The following ZNF71 variants were observed in gnomAD, a reference collection of about 807,000 sequenced individuals.
ZNF71 encodes the protein zinc finger protein 71, also known as endothelial zinc finger protein induced by tumor necrosis factor alpha.
In ZNF71, 3 loss-of-function variants were observed where a neutral mutation model predicts 6.7. The observed-to-expected ratio is 0.45, with a 90% CI of 0.20 to 1.16. The LOEUF is 1.16. ZNF71 is among the 50% of genes most tolerant of loss of function. The probability of loss-of-function intolerance (pLI) is 0.25; values close to 1 mark genes in which losing one functional copy is unlikely to be tolerated. For missense variants in ZNF71, 688 were observed against 728.6 expected (o/e 0.94, Z 0.64); for synonymous variants, 343 against 311.1 (o/e 1.10, Z -1.08).
Position 56,622,785 on chromosome 19 carries a change from G to A in ZNF71, c.*28G>A, listed in dbSNP as rs369701185. On this transcript the variant is annotated 3_prime_UTR_variant, in exon 4 of 4. Transcript: ENST00000599599. ...GCCTCTGTGCAGGGCTCTCACTGGC[G>A]GTGCCCAGGACGGACGCCAGATGGC... is the stretch of plus-strand genomic sequence containing the variant. 6.4e-7 allele frequency: 1 copy of A among 1,567,848 alleles called. No homozygotes were observed. Among genetic ancestry groups the A allele is most frequent in the East Asian group, 2.3e-5 (1 of 44,444 alleles).
chr19:56,620,173 C>T (rs899065979), intron 3 of ZNF71, among the ~76,000 whole-genome samples: 1 of 152,130 alleles, frequency 6.6e-6, no homozygotes, highest in South Asian at 2.1e-4. Context: ...GATGAGAGGG[C>T]TGGGGTGCGG....
chr19:56,607,326 A>G (rs1455915460), intron 2 of ZNF71, among the ~76,000 whole-genome samples: 2 of 152,224 alleles, frequency 1.3e-5, no homozygotes, highest in African/African-American at 4.8e-5. Context: ...CAAAGCAGGT[A>G]GCTTTTTATG....
At chr19:56,599,627 T>C (rs2044651555) in intron 1 of ZNF71, among the ~76,000 whole-genome samples, 1 of 152,096 alleles carries the variant, frequency 6.6e-6, no homozygotes, top group Non-Finnish European at 1.5e-5. Flanking sequence ...TCAGGATAAA[T>C]GGGGTATCTG....
chr19:56,614,220 T>G (rs2044773367), intron 3 of ZNF71, among the ~76,000 whole-genome samples: 1 of 152,182 alleles, frequency 6.6e-6, no homozygotes, highest in Non-Finnish European at 1.5e-5. Context: ...GATTCATAGA[T>G]TTAGAAATAC....
intron 1 of ZNF71, among the ~76,000 whole-genome samples, chr19:56,599,327 C>T (rs1257250891): frequency 3.2e-5 from 3 of 95,210 alleles, no homozygotes; most frequent in African/African-American, 1.0e-4. Flanking sequence ...ATTTGGCTCA[C>T]TGATTTTTTT....
chr19:56,618,625 G>T lies in ZNF71; in HGVS notation c.161-2643G>T, dbSNP rs974813408. On this transcript the variant is annotated intron_variant, in intron 3 of 3. Transcript: ENST00000599599. This position sits in a 1 kb window ranked among gnomAD's most constrained non-coding sequence, Gnocchi z 4.6. Reference sequence around the variant, plus strand: ...CGTAGGGTGGATTGGGAAGGCTCCCGTGGGGTTGTGGGGAAACAGGCCTGA... The same window carrying T: ...CGTAGGGTGGATTGGGAAGGCTCCCTTGGGGTTGTGGGGAAACAGGCCTGA... Among the ~76,000 whole-genome samples the T allele has an allele frequency of 6.6e-6, 1 of 152,170 alleles. No homozygotes were observed. Among genetic ancestry groups the T allele is most frequent in the Non-Finnish European group, 1.5e-5 (1 of 68,026 alleles).
chr19:56,614,083 CACGATGGTAT>C (rs1245066078), intron 3 of ZNF71, 145 bp downstream of exon 3: 1 of 588,674 alleles, frequency 1.7e-6, no homozygotes, highest in Non-Finnish European at 2.2e-6. Flanking sequence ...TAAAGTTGAT[CACGATGGTAT>C]GGGAAATAAT....
Position 56,613,171 on chromosome 19 carries a change from C to T in ZNF71, c.34-641C>T, listed in dbSNP as rs2044764859. Among the ~76,000 whole-genome samples the T allele has an allele frequency of 6.6e-6, 1 of 152,210 alleles. No individual in the cohort carries two copies. The highest frequency in any genetic ancestry group is 1.5e-5 in the Non-Finnish European group (1 of 68,024). ...TCCCCAGCAGTCTCATCTGCCTTTT[C>T]ACCTTCGGGTCTTGATCCAAGCTCT... On this transcript the variant is annotated intron_variant, in intron 2 of 3. Transcript: ENST00000599599. This position sits in a 1 kb window ranked among gnomAD's most constrained non-coding sequence, Gnocchi z 4.6.
chr19:56,614,241 C>T (rs1205609504), intron 3 of ZNF71, among the ~76,000 whole-genome samples: 1 of 152,180 alleles, frequency 6.6e-6, no homozygotes, highest in Non-Finnish European at 1.5e-5. Context: ...ACAAAGTTAA[C>T]ACTTTATAAA....
At chr19:56,609,894 TTG>T in intron 2 of ZNF71, 1 of 152,092 alleles carries the variant, frequency 6.6e-6, no homozygotes, top group Non-Finnish European at 1.5e-5. Context: ...ATTCCGGACA[TTG>T]TGTACAAATG....
In ZNF71 at chr19:56,623,375, A is replaced by T. The variant is rs186622197; in HGVS notation, c.*618A>T. The T allele has an allele frequency of 2.4e-5, 4 of 167,262 alleles. No individual in the cohort carries two copies. The East Asian group carries it at 5.8e-4, about 24-fold the overall frequency. 10.4% of individuals were successfully genotyped at this position (167,262 alleles called of 1,614,324 possible). ...ACAGTAACTACTGCTTTGAATGCCA[A>T]AGTTTCTTAGAGTGGTCTGTTACGT... On this transcript the variant is annotated 3_prime_UTR_variant, in exon 4 of 4. Transcript: ENST00000599599.
At chr19:56,620,223 G>T (rs892507471) in intron 3 of ZNF71, among the ~76,000 whole-genome samples, 1 of 152,200 alleles carries the variant, frequency 6.6e-6, no homozygotes, top group African/African-American at 2.4e-5. Context: ...TGATGAGCTA[G>T]CGGGAGCCGG....
chr19:56,623,743 C>T lies in ZNF71; in HGVS notation c.*986C>T. ...GATGCTGGGAAGTCCAAGATCAAGG[C>T]TCTGGCAGATTTGGTGTCTGATGGG... On this transcript the variant is annotated 3_prime_UTR_variant, in exon 4 of 4. Transcript: ENST00000599599. The T allele has an allele frequency of 6.0e-6, 1 of 167,176 alleles. No individual in the cohort carries two copies. The highest frequency in any genetic ancestry group is 2.4e-5 in the African/African-American group (1 of 41,458). 10.4% of individuals were successfully genotyped at this position (167,176 alleles called of 1,614,324 possible).
intron 2 of ZNF71, among the ~76,000 whole-genome samples, chr19:56,605,937 G>C (rs2044707634): frequency 6.6e-6 from 1 of 152,220 alleles, no homozygotes; most frequent in African/African-American, 2.4e-5. Flanking sequence ...TGTTGGGGCT[G>C]AGAGTTGAAC....
chr19:56,604,382 A>C (rs1377671481), intron 2 of ZNF71, among the ~76,000 whole-genome samples: 1 of 152,222 alleles, frequency 6.6e-6, no homozygotes, highest in Non-Finnish European at 1.5e-5. Context: ...ACATTGGGCC[A>C]AAAGGTCAAA....
rs2044769313 is a variant in ZNF71 at position 56,613,763 on chromosome 19, C to T, written c.34-49C>T. On this transcript the variant is annotated intron_variant, in intron 2 of 3. Coordinates refer to ENST00000599599, the MANE Select transcript of ZNF71 (RefSeq NM_001370215.1). The surrounding 1 kb of genome is among the most constrained non-coding windows in gnomAD (Gnocchi z 4.6). ...GGCTTTTCTGGCCATTCCTCCACGC[C>T]TCTGTAAGGAGGGCCCTGCGATGAG... 9.3e-7 allele frequency: 1 copy of T among 1,071,918 alleles called. No individual in the cohort carries two copies. Among genetic ancestry groups the T allele is most frequent in the African/African-American group, 1.7e-5 (1 of 59,408 alleles). The allele number at this position is 1,071,918 out of a possible 1,614,324, so 66.4% of individuals were successfully genotyped here.
At chr19:56,600,081 G>T (rs1255845777) in intron 1 of ZNF71, among the ~76,000 whole-genome samples, 66 of 123,060 alleles carry the variant, frequency 5.4e-4, no homozygotes, top group Non-Finnish European at 8.5e-4. Flanking sequence ...GTGTTTTTTT[G>T]TTTTTTTGGG....
rs1295728444 is a variant in ZNF71 at position 56,622,608 on chromosome 19, G to A, written c.1501G>A (p.Gly501Ser). 1 of 1,612,440 alleles carries A rather than the reference G, an allele frequency of 6.2e-7. No individual in the cohort carries two copies. The highest frequency in any genetic ancestry group is 8.5e-7 in the Non-Finnish European group (1 of 1,179,300). The change falls in exon 4 of 4, where the codon GGC becomes AGC. Residue 501 changes from glycine to serine, a missense_variant. Coordinates refer to ENST00000599599, the MANE Select transcript of ZNF71 (RefSeq NM_001370215.1). ...CACCGGCGAGAAGCCGTACAGGTGC[G>A]GCCAGTGCGGGAAGTCCTTCATCAA... The part of the protein sequence containing the change: ...IHTGEKPYRC[G>S]QCGKSFIKNS...
intron 1 of ZNF71, among the ~76,000 whole-genome samples, chr19:56,600,753 G>A (rs1304731360): frequency 2.0e-5 from 3 of 152,182 alleles, no homozygotes; most frequent in Non-Finnish European, 4.4e-5. Context: ...TTTGTTTCAA[G>A]GGGCGAGTGA....
Sources: allele counts gnomAD v4.1 joint callset (sites outside exome capture counted in the v4.1 genomes callset), GRCh38; gene constraint gnomAD v4.1.1; non-coding constraint Gnocchi (gnomAD v3.1); transcripts MANE v1.5; gene names NCBI Gene and HGNC (gene_info 2026-07-23, HGNC 2026-07-21).